CLIP4: variants seen among roughly 807,000 people sequenced by gnomAD.
CLIP4 encodes the protein CAP-Gly domain containing linker protein family member 4, also known as CAP-Gly domain-containing linker protein 4.
CLIP4 carries 47 observed loss-of-function variants against 73.1 expected under a neutral mutation model. The observed-to-expected ratio is 0.64, with a 90% CI of 0.51 to 0.82. The LOEUF (loss-of-function observed/expected upper bound fraction) is 0.82, where lower values mean the gene tolerates loss of function less well. Among genes scored for constraint, CLIP4 ranks in the 40% least tolerant of loss-of-function variants. CLIP4 has a pLI of 0.00. For missense variants in CLIP4, 874 were observed against 852.9 expected (o/e 1.02, Z -0.31); for synonymous variants, 306 against 295.4 (o/e 1.04, Z -0.37).
At chr2:29,168,790 G>T (rs995133526) in intron 14 of CLIP4, among the ~76,000 whole-genome samples, 6 of 151,950 alleles carry the variant, frequency 3.9e-5, no homozygotes, top group African/African-American at 1.2e-4. Flanking sequence ...CCAAAGTGCT[G>T]GGATTACAGG....
intron 2 of CLIP4, among the ~76,000 whole-genome samples, chr2:29,123,139 T>C (rs1049293269): frequency 6.6e-6 from 1 of 152,242 alleles, no homozygotes; most frequent in Non-Finnish European, 1.5e-5. Flanking sequence ...AGCCTTTAAG[T>C]ATCTGCAGAT....
intron 10 of CLIP4, among the ~76,000 whole-genome samples, chr2:29,156,720 C>G (rs1360519045): frequency 6.6e-6 from 1 of 152,152 alleles, no homozygotes; most frequent in African/African-American, 2.4e-5. Context: ...ATATAGAGCA[C>G]TCTACACAAA....
At chr2:29,116,911 C>T (rs7604766) in intron 1 of CLIP4, among the ~76,000 whole-genome samples, 122,152 of 152,194 alleles carry the variant, frequency 0.8, 49,264 homozygotes, top group East Asian at 0.89. Flanking sequence ...TGTTGTCTCT[C>T]ATAGCTTATG....
intron 14 of CLIP4, among the ~76,000 whole-genome samples, chr2:29,169,023 ATCCT>A (rs1299657849): frequency 5.3e-5 from 8 of 151,914 alleles, no homozygotes; most frequent in African/African-American, 1.9e-4. Flanking sequence ...TATGATACCA[ATCCT>A]TAAATAATTG....
chr2:29,139,253 T>C (rs1665591733), intron 6 of CLIP4, among the ~76,000 whole-genome samples: 1 of 152,132 alleles, frequency 6.6e-6, no homozygotes, highest in African/African-American at 2.4e-5. Context: ...TTTCTGTGTC[T>C]ATTGAGATGA....
At chr2:29,145,169 A>G in intron 7 of CLIP4, 63 bp from the exon 8 acceptor site, 1 of 1,428,432 alleles carries the variant, frequency 7.0e-7, no homozygotes. Flanking sequence ...TAAAGTTGCA[A>G]GAGTAGGACC....
chr2:29,136,249 T>G (rs974542477), intron 6 of CLIP4, among the ~76,000 whole-genome samples: 2 of 152,020 alleles, frequency 1.3e-5, no homozygotes. Flanking sequence ...AATAACTCGC[T>G]CTGGCAGGTA....
chr2:29,166,530 G>GAC (rs55833657), intron 13 of CLIP4, among the ~76,000 whole-genome samples: 37,609 of 146,854 alleles, frequency 0.26, 5,015 homozygotes, highest in Non-Finnish European at 0.33. Flanking sequence ...TACACACACA[G>GAC]ACACACACAC....
intron 1 of CLIP4, among the ~76,000 whole-genome samples, chr2:29,117,378 C>T (rs1296637462): frequency 1.3e-5 from 2 of 148,362 alleles, no homozygotes; most frequent in South Asian, 2.1e-4. Context: ...TCGCTCTGCT[C>T]TGTCACCCAG....
chr2:29,101,220 G>A (rs879850812), intron 1 of CLIP4, among the ~76,000 whole-genome samples: 7 of 150,636 alleles, frequency 4.6e-5, no homozygotes, highest in African/African-American at 1.7e-4. Flanking sequence ...AAACCAGGAG[G>A]CAGAGGTTGC....
intron 6 of CLIP4, among the ~76,000 whole-genome samples, chr2:29,137,336 C>G (rs1483699146): frequency 6.6e-6 from 1 of 152,096 alleles, no homozygotes; most frequent in Non-Finnish European, 1.5e-5. Flanking sequence ...TAGTTGCATC[C>G]ATGTTGTTGC....
At chr2:29,150,317 C>T (rs1198191232) in intron 8 of CLIP4, among the ~76,000 whole-genome samples, 1 of 152,110 alleles carries the variant, frequency 6.6e-6, no homozygotes, top group Non-Finnish European at 1.5e-5. Context: ...AGAGGGCTAC[C>T]CTTCTCTTTT....
intron 6 of CLIP4, among the ~76,000 whole-genome samples, chr2:29,138,737 A>G (rs140369618): frequency 1.3e-5 from 2 of 151,770 alleles, no homozygotes; most frequent in African/African-American, 2.4e-5. Context: ...ATTCCTTGGT[A>G]TTTTTATTAT....
chr2:29,156,898 A>C (rs1412577890), intron 10 of CLIP4, among the ~76,000 whole-genome samples: 1 of 152,164 alleles, frequency 6.6e-6, no homozygotes, highest in African/African-American at 2.4e-5. Context: ...TATGTCATCT[A>C]AGGTGAGAGG....
intron 2 of CLIP4, among the ~76,000 whole-genome samples, chr2:29,128,452 A>C (rs1017939557): frequency 6.6e-6 from 1 of 152,078 alleles, no homozygotes; most frequent in Non-Finnish European, 1.5e-5. Context: ...ACAAAAACAA[A>C]AAAAAACAAA....
chr2:29,154,836 G>A (rs1174237640), intron 9 of CLIP4, among the ~76,000 whole-genome samples: 1 of 152,188 alleles, frequency 6.6e-6, no homozygotes, highest in Non-Finnish European at 1.5e-5. Flanking sequence ...GGCTGCGGAA[G>A]CGGAACCCAC....
At chr2:29,107,801 C>T (rs1223219809) in intron 1 of CLIP4, among the ~76,000 whole-genome samples, 1 of 152,190 alleles carries the variant, frequency 6.6e-6, no homozygotes, top group Non-Finnish European at 1.5e-5. Context: ...AGCCTCCTGC[C>T]TCAGCCTCCC....
At chr2:29,116,688 T>C (rs1414253539) in intron 1 of CLIP4, among the ~76,000 whole-genome samples, 2 of 152,250 alleles carry the variant, frequency 1.3e-5, no homozygotes, top group African/African-American at 4.8e-5. Context: ...TTCCAGCTTA[T>C]TTTGCTTTCG....
intron 4 of CLIP4, chr2:29,132,711 T>C (rs545046809): frequency 1.9e-5 from 3 of 154,040 alleles, no homozygotes; most frequent in East Asian, 3.8e-4. Flanking sequence ...TAACTATATA[T>C]TGTGATTGTC....
Sources: gnomAD v4.1 joint callset for allele counts (sites outside exome capture counted in the v4.1 genomes callset) on GRCh38, gnomAD v4.1.1 for gene constraint, MANE v1.5 for transcripts, NCBI Gene and HGNC (gene_info 2026-07-23, HGNC 2026-07-21) for gene names.